The following SYNPR variants were observed in gnomAD, a reference collection of about 807,000 sequenced individuals.
SYNPR encodes the protein synaptoporin.
A neutral mutation model predicts 32.9 loss-of-function variants in SYNPR; 23 were observed. That is an observed-to-expected ratio of 0.70 (90% CI 0.50 to 0.99). The LOEUF (loss-of-function observed/expected upper bound fraction) is 0.99. Ranked by LOEUF, SYNPR falls within the 50% of genes least tolerant of loss-of-function variation. The pLI is 0.00. For missense variants in SYNPR, 318 were observed against 349.3 expected, an observed-to-expected ratio of 0.91 and a Z score of 0.71; for synonymous variants, 146 against 135.9, an observed-to-expected ratio of 1.07 and a Z score of -0.52.
chr3:63,403,742 G>A (rs1009891157), intron 2 of SYNPR, among the ~76,000 whole-genome samples: 8 of 152,146 alleles, frequency 5.3e-5, no homozygotes, highest in African/African-American at 1.9e-4. Context: ...GAGAGAACAT[G>A]ATGGGGGAGC....
the SYNPR span, among the ~76,000 whole-genome samples, chr3:63,219,998 T>A: frequency 4.6e-5 from 7 of 152,352 alleles, 1 homozygote; most frequent in Admixed American, 4.6e-4. Flanking sequence ...CTTTCTGCTT[T>A]GTGTCAATGT....
At chr3:63,443,527 T>C in intron 2 of SYNPR, 1 of 1,563,528 alleles carries the variant, frequency 6.4e-7, no homozygotes, top group Non-Finnish European at 8.7e-7. Context: ...TGTGCATGTA[T>C]GTGTCTCCAT....
chr3:63,335,352 C>CAAAAAAA (rs35394118), intron 2 of SYNPR, among the ~76,000 whole-genome samples: 2 of 84,952 alleles, frequency 2.4e-5, no homozygotes, highest in Non-Finnish European at 2.2e-5. Context: ...GACTCCGTCT[C>CAAAAAAA]AAAAAAAAAA....
chr3:63,479,446 G>GCGCGCGCGCACACACACACACACACA (rs6147854), intron 2 of SYNPR, among the ~76,000 whole-genome samples: 4 of 135,742 alleles, frequency 2.9e-5, no homozygotes, highest in Admixed American at 1.4e-4. Context: ...CCACACACAT[G>GCGCGCGCGCACACACACACACACACA]CACACACACA....
chr3:63,386,421 A>G (rs955665666), intron 2 of SYNPR, among the ~76,000 whole-genome samples: 3 of 152,214 alleles, frequency 2.0e-5, no homozygotes, highest in Non-Finnish European at 2.9e-5. Context: ...TGGAGTAATG[A>G]AAAGGTGTCT....
At chr3:63,245,706 AGAGAGTGT>A (rs1307397965) in intron 1 of SYNPR, among the ~76,000 whole-genome samples, 3,044 of 55,940 alleles carry the variant, frequency 0.054, 68 homozygotes, top group African/African-American at 0.19. Context: ...AGAGAGAGAG[AGAGAGTGT>A]GTGTGTGTGT....
chr3:63,378,482 C>T (rs2087921431), intron 2 of SYNPR, among the ~76,000 whole-genome samples: 1 of 151,974 alleles, frequency 6.6e-6, no homozygotes, highest in South Asian at 2.1e-4. Context: ...TGGTCTATTT[C>T]TGGGTTCTCT....
chr3:63,444,300 G>T (rs986085853), intron 2 of SYNPR: 1 of 152,206 alleles, frequency 6.6e-6, no homozygotes, highest in African/African-American at 2.4e-5. Flanking sequence ...TTGTTCGAGA[G>T]TAAAAGATGC....
At chr3:63,403,494 G>T (rs1489498982) in intron 2 of SYNPR, among the ~76,000 whole-genome samples, 1 of 149,082 alleles carries the variant, frequency 6.7e-6, no homozygotes, top group Non-Finnish European at 1.5e-5. Context: ...TGAGACAGAG[G>T]CATATTTAAT....
In SYNPR at chr3:63,363,173, A is replaced by G. The variant is rs187723762; in HGVS notation, c.84+84431A>G. The stretch of plus-strand genomic sequence containing the variant: ...TACCTTATTGCTATTTGGTGCTGTC[A>G]TTTTAAAATTTTTTACTTTGCCCGG... On this transcript the variant is annotated intron_variant, in intron 2 of 5. Coordinates refer to ENST00000478300, the MANE Select transcript of SYNPR (RefSeq NM_001130003.2). Among the ~76,000 whole-genome samples the G allele has an allele frequency of 5.6e-4, 86 of 152,262 alleles. No individual in the cohort carries two copies. The East Asian group carries it at 0.012, about 21-fold the overall frequency.
At chr3:63,257,776 A>G (rs1254232469) in intron 2 of SYNPR, among the ~76,000 whole-genome samples, 3 of 152,214 alleles carry the variant, frequency 2.0e-5, no homozygotes, top group African/African-American at 7.2e-5. Flanking sequence ...AGACTGGTAA[A>G]TTGGATAAAG....
At chr3:63,275,958 C>T (rs867671316), upstream of SYNPR, among the ~76,000 whole-genome samples, 12 of 152,076 alleles carry the variant, frequency 7.9e-5, no homozygotes, top group Admixed American at 3.3e-4. Context: ...TGTTATCAGT[C>T]GGCTTAGGTT....
At chr3:63,356,438 A>G (rs772706871) in intron 2 of SYNPR, among the ~76,000 whole-genome samples, 16 of 152,234 alleles carry the variant, frequency 1.1e-4, no homozygotes, top group Admixed American at 6.5e-4. Flanking sequence ...CACAAATTCT[A>G]TCTTAGTTAA....
upstream of SYNPR, among the ~76,000 whole-genome samples, chr3:63,277,525 A>G (rs966916851): frequency 2.0e-5 from 3 of 152,226 alleles, no homozygotes; most frequent in African/African-American, 7.2e-5. Flanking sequence ...AGATCTCAGT[A>G]GAAATAAAAT....
intron 3 of SYNPR, among the ~76,000 whole-genome samples, chr3:63,527,483 T>C (rs1702034826): frequency 6.6e-6 from 1 of 152,106 alleles, no homozygotes; most frequent in South Asian, 2.1e-4. Context: ...TGCCTGTCCT[T>C]GAGAAAACCC....
rs192251224 is a variant in SYNPR at position 63,574,914 on chromosome 3, T to A, written c.408+18173T>A. On this transcript the variant is annotated intron_variant, in intron 4 of 5. Coordinates refer to ENST00000478300, the MANE Select transcript of SYNPR (RefSeq NM_001130003.2). The stretch of plus-strand genomic sequence containing the variant: ...TATTTTTCTGTGACTTTATAATTTA[T>A]CATCCAAGTAGATAAATTTTTGAAA... Among the ~76,000 whole-genome samples, 302 of 152,262 alleles carry A rather than the reference T, an allele frequency of 2.0e-3. 1 individual carries two copies. Among genetic ancestry groups the A allele is most frequent in the African/African-American group, 7.0e-3 (290 of 41,562 alleles).
chr3:63,247,075 GA>G (rs71992263), intron 1 of SYNPR, among the ~76,000 whole-genome samples: 3,534 of 148,294 alleles, frequency 0.024, 76 homozygotes, highest in African/African-American at 0.057. Flanking sequence ...TTAGAAGTTG[GA>G]AAAAAAAAAG....
intron 2 of SYNPR, among the ~76,000 whole-genome samples, chr3:63,314,832 A>T (rs1388539217): frequency 6.6e-6 from 1 of 151,982 alleles, no homozygotes; most frequent in East Asian, 1.9e-4. Context: ...TTCCAATCTT[A>T]TCCTCTAGAA....
At chr3:63,205,179 C>T in the SYNPR span, among the ~76,000 whole-genome samples, 4 of 152,102 alleles carry the variant, frequency 2.6e-5, no homozygotes, top group Non-Finnish European at 4.4e-5. Flanking sequence ...TTATCTTTCT[C>T]ACCTTCCTTT....
Sources: allele counts gnomAD v4.1 joint callset (sites outside exome capture counted in the v4.1 genomes callset), GRCh38; gene constraint gnomAD v4.1.1; transcripts MANE v1.5; gene names NCBI Gene and HGNC (gene_info 2026-07-23, HGNC 2026-07-21).